EFCAB5: variants seen among roughly 807,000 people sequenced by gnomAD.
The protein encoded by EFCAB5 is EF-hand calcium-binding domain-containing protein 5.
EFCAB5 carries 131 observed loss-of-function variants against 167.9 expected under a neutral mutation model. The ratio of observed to expected loss-of-function variants is 0.78; its 90% confidence interval spans 0.68 to 0.90. The LOEUF (loss-of-function observed/expected upper bound fraction) is 0.90, where lower values mean the gene tolerates loss of function less well. Among genes scored for constraint, EFCAB5 ranks in the 40% least tolerant of loss-of-function variants. EFCAB5 has a pLI of 0.00. For missense variants in EFCAB5, 1,663 were observed against 1,745.2 expected, an observed-to-expected ratio of 0.95 and a Z score of 0.84; for synonymous variants, 574 against 602.8, an observed-to-expected ratio of 0.95 and a Z score of 0.70.
In EFCAB5 at chr17:30,107,886, A is replaced by G. The variant is rs2071470119; in HGVS notation, c.4374A>G (p.Leu1458=). 6.2e-7 allele frequency: 1 copy of G among 1,602,856 alleles called. No homozygotes were observed. Among genetic ancestry groups the G allele is most frequent in the Non-Finnish European group, 8.5e-7 (1 of 1,177,150 alleles). Residue 1458 remains leucine, a synonymous_variant, in exon 23 of 23, where the codon CTA becomes CTG. Transcript: ENST00000394835. ...WKFGNVVIEH[L]YHWIHICSAL... ...TTGGTAATGTTGTCATTGAACATCT[A>G]TACCACTGGATACACATCTGTTCAG...
chr17:30,078,465 A>G lies in EFCAB5; in HGVS notation c.2988A>G (p.Leu996=), dbSNP rs1385722459. ...CTGCAGAGACAAGTGGGGTGTCCCTAGAGCCGGTGTATAGTGAGACCTTTA... is the reference window on the plus strand; with the variant it reads ...CTGCAGAGACAAGTGGGGTGTCCCTGGAGCCGGTGTATAGTGAGACCTTTA... The part of the protein sequence containing the change: ...QCAAETSGVS[L]EPVYSETFKA... Residue 996 remains leucine (L), a synonymous_variant, in exon 15 of 23, where the codon CTA becomes CTG. Coordinates refer to ENST00000394835, the MANE Select transcript of EFCAB5 (RefSeq NM_198529.4). The G allele has an allele frequency of 6.2e-7, 1 of 1,612,942 alleles. No homozygotes were observed. Among genetic ancestry groups the G allele is most frequent in the Non-Finnish European group, 8.5e-7 (1 of 1,179,386 alleles).
At chr17:29,991,150 G>C (rs1004864786) in intron 4 of EFCAB5, among the ~76,000 whole-genome samples, 1 of 152,066 alleles carries the variant, frequency 6.6e-6, no homozygotes, top group Non-Finnish European at 1.5e-5. Flanking sequence ...CTCACCACGG[G>C]GACTGCTTAA....
chr17:30,052,071 C>A (rs376633799), intron 9 of EFCAB5, among the ~76,000 whole-genome samples: 1 of 152,066 alleles, frequency 6.6e-6, no homozygotes, highest in Non-Finnish European at 1.5e-5. Flanking sequence ...CCTGCCTCAG[C>A]CTCCAGAGTA....
intron 3 of EFCAB5, among the ~76,000 whole-genome samples, chr17:29,958,668 G>C (rs867921776): frequency 6.6e-6 from 1 of 152,092 alleles, no homozygotes; most frequent in Non-Finnish European, 1.5e-5. Flanking sequence ...GTTTGATAAG[G>C]TCATGATGTT....
At chr17:29,947,329 C>A (rs1017842282) in intron 3 of EFCAB5, among the ~76,000 whole-genome samples, 9 of 152,058 alleles carry the variant, frequency 5.9e-5, no homozygotes, top group African/African-American at 2.2e-4. Flanking sequence ...AAGTCAAATA[C>A]CATCTGTTCT....
At chr17:29,961,851 T>C (rs1260383576) in intron 3 of EFCAB5, among the ~76,000 whole-genome samples, 1 of 152,198 alleles carries the variant, frequency 6.6e-6, no homozygotes, top group East Asian at 1.9e-4. Context: ...GATCTTTGAT[T>C]TGTTTTCAGT....
chr17:30,070,898 C>T (rs934228627), intron 14 of EFCAB5, among the ~76,000 whole-genome samples: 11 of 131,242 alleles, frequency 8.4e-5, no homozygotes, highest in African/African-American at 3.2e-4. Flanking sequence ...TGCAATGAGC[C>T]GAGATTGCGC....
intron 22 of EFCAB5, among the ~76,000 whole-genome samples, chr17:30,104,297 A>G (rs1247809206): frequency 6.6e-6 from 1 of 152,202 alleles, no homozygotes. Flanking sequence ...ATCATCCCCA[A>G]AAGATTTAAC....
At chr17:29,974,300 C>G (rs2068020579) in intron 4 of EFCAB5, among the ~76,000 whole-genome samples, 1 of 151,866 alleles carries the variant, frequency 6.6e-6, no homozygotes, top group Non-Finnish European at 1.5e-5. Context: ...CCTGTAATTC[C>G]AGCACTTTGG....
At chr17:29,991,356 G>T (rs552804147) in intron 4 of EFCAB5, among the ~76,000 whole-genome samples, 1 of 152,148 alleles carries the variant, frequency 6.6e-6, no homozygotes, top group Non-Finnish European at 1.5e-5. Context: ...GAAATCAGGG[G>T]GCTGACAGCC....
intron 7 of EFCAB5, among the ~76,000 whole-genome samples, chr17:30,029,687 T>C (rs529956216): frequency 6.6e-6 from 1 of 152,280 alleles, no homozygotes; most frequent in East Asian, 1.9e-4. Context: ...CAATATTCTG[T>C]ACTCCTTGTT....
At chr17:30,092,545 G>A (rs146842325) in intron 21 of EFCAB5, among the ~76,000 whole-genome samples, 31 of 152,130 alleles carry the variant, frequency 2.0e-4, no homozygotes, top group East Asian at 1.2e-3. Context: ...CCGCCACCAC[G>A]CCCAGCTAAT....
At chr17:29,950,249 T>C (rs1363202411) in intron 3 of EFCAB5, among the ~76,000 whole-genome samples, 4 of 152,122 alleles carry the variant, frequency 2.6e-5, no homozygotes, top group African/African-American at 9.7e-5. Flanking sequence ...ATATTTTATC[T>C]TCCTTATGAT....
intron 7 of EFCAB5, among the ~76,000 whole-genome samples, chr17:30,032,513 C>G (rs1302957010): frequency 6.6e-6 from 1 of 152,084 alleles, no homozygotes; most frequent in African/African-American, 2.4e-5. Flanking sequence ...TTAAAATCTC[C>G]CATGTAAAAG....
chr17:30,046,203 T>A (rs1029785789), intron 8 of EFCAB5, among the ~76,000 whole-genome samples: 1 of 152,238 alleles, frequency 6.6e-6, no homozygotes, highest in Non-Finnish European at 1.5e-5. Flanking sequence ...TTCAGTGAGC[T>A]AAACACTTAA....
chr17:30,041,532 G>A (rs540273156), intron 8 of EFCAB5, among the ~76,000 whole-genome samples: 10 of 152,100 alleles, frequency 6.6e-5, no homozygotes, highest in South Asian at 2.1e-4. Flanking sequence ...ATTTACCCCC[G>A]GTGAAGACAT....
intron 1 of EFCAB5, among the ~76,000 whole-genome samples, chr17:29,935,846 T>C (rs949957762): frequency 5.9e-5 from 9 of 152,140 alleles, no homozygotes; most frequent in African/African-American, 2.2e-4. Context: ...CTGGTGTTAG[T>C]GCCTCTGAGA....
chr17:29,975,606 C>T (rs779133126), intron 4 of EFCAB5, among the ~76,000 whole-genome samples: 16 of 152,240 alleles, frequency 1.1e-4, no homozygotes, highest in Non-Finnish European at 1.9e-4. Flanking sequence ...AGTGTCTTTC[C>T]TATAGGGTAA....
intron 4 of EFCAB5, among the ~76,000 whole-genome samples, chr17:29,970,669 T>C (rs62070294): frequency 0.12 from 6,822 of 57,480 alleles, 183 homozygotes; most frequent in East Asian, 0.2. Flanking sequence ...CACACACACA[T>C]ACACACACAC....
Sources: gnomAD v4.1 joint callset for allele counts (sites outside exome capture counted in the v4.1 genomes callset) on GRCh38, gnomAD v4.1.1 for gene constraint, MANE v1.5 for transcripts, NCBI Gene and HGNC (gene_info 2026-07-23, HGNC 2026-07-21) for gene names.